The following PCDHA3 variants were observed in gnomAD, a reference collection of about 807,000 sequenced individuals.
The protein encoded by PCDHA3 is protocadherin alpha 3, also known as protocadherin alpha-3.
PCDHA3 carries 41 observed loss-of-function variants against 62.2 expected under a neutral mutation model. The ratio of observed to expected loss-of-function variants is 0.66; its 90% CI spans 0.51 to 0.86. PCDHA3 has a LOEUF of 0.86. PCDHA3 is among the 40% of genes least tolerant of loss of function. The probability of loss-of-function intolerance (pLI) is 0.00; values close to 1 mark genes in which losing one functional copy is unlikely to be tolerated. For missense variants in PCDHA3, 1,304 were observed against 1,241.2 expected (o/e 1.05, Z -0.76); for synonymous variants, 640 against 555.4 (o/e 1.15, Z -2.14).
At chr5:141,006,108 T>C (rs1268824828) in intron 3 of PCDHA3, among the ~76,000 whole-genome samples, 5 of 151,864 alleles carry the variant, frequency 3.3e-5, no homozygotes. Context: ...GTAAGGAGTT[T>C]TTTTTTTTTT....
intron 1 of PCDHA3, among the ~76,000 whole-genome samples, chr5:140,847,134 A>G (rs1210661520): frequency 6.7e-6 from 1 of 149,754 alleles, no homozygotes; most frequent in African/African-American, 2.4e-5. Flanking sequence ...AGGAAAACCA[A>G]TGTAAGAAGA....
chr5:140,874,018 G>A (rs1033387450), intron 1 of PCDHA3, among the ~76,000 whole-genome samples: 2 of 152,114 alleles, frequency 1.3e-5, no homozygotes, highest in Admixed American at 1.3e-4. Context: ...TTTTGAAAAT[G>A]AAAAATAGGA....
chr5:140,953,467 C>T (rs952334269), intron 1 of PCDHA3, among the ~76,000 whole-genome samples: 1 of 152,090 alleles, frequency 6.6e-6, no homozygotes, highest in African/African-American at 2.4e-5. Context: ...AGAGTTTTAA[C>T]TTCCTCATGC....
intron 1 of PCDHA3, chr5:140,861,365 G>T (rs2046879866): frequency 2.8e-6 from 1 of 359,244 alleles, no homozygotes; most frequent in Non-Finnish European, 5.7e-6. Context: ...GCGTCTTCGC[G>T]GTCCCTATTG....
intron 1 of PCDHA3, chr5:140,849,720 C>T (rs1184011333): frequency 1.3e-6 from 2 of 1,598,576 alleles, no homozygotes; most frequent in Admixed American, 1.7e-5. Context: ...CTCGTTGGTG[C>T]TGGACAGAGC....
intron 1 of PCDHA3, among the ~76,000 whole-genome samples, chr5:140,894,198 T>A (rs1431922646): frequency 3.9e-5 from 6 of 152,168 alleles, no homozygotes; most frequent in African/African-American, 1.4e-4. Flanking sequence ...ATTTTTTCTA[T>A]GCTATTATAT....
At chr5:140,927,212 T>C (rs150770754) in intron 1 of PCDHA3, 20 of 1,614,012 alleles carry the variant, frequency 1.2e-5, no homozygotes, top group African/African-American at 1.1e-4. Flanking sequence ...CCGCTGGAGC[T>C]GCACAAGATT....
chr5:140,881,679 A>G (rs2058790767), intron 1 of PCDHA3, among the ~76,000 whole-genome samples: 1 of 152,220 alleles, frequency 6.6e-6, no homozygotes, highest in Non-Finnish European at 1.5e-5. Flanking sequence ...TGTGATTGTT[A>G]TGTTTCCTTT....
chr5:140,854,329 T>C lies in PCDHA3; in HGVS notation c.2394+50738T>C, dbSNP rs1380061038. The C allele has an allele frequency of 1.9e-5, 4 of 216,048 alleles. 1 individual carries two copies. The highest frequency in any genetic ancestry group is 3.1e-5 in the Non-Finnish European group (4 of 127,638). 13.4% of individuals were successfully genotyped at this position (216,048 alleles called of 1,614,324 possible). ...AGATGATTGATCAATGGCAAACTTA[T>C]TTTACGCTCCAGATAGCTAAAACAA... On this transcript the variant is annotated intron_variant, in intron 1 of 3. Coordinates refer to ENST00000522353, the MANE Select transcript of PCDHA3 (RefSeq NM_018906.3).
chr5:140,915,882 C>T lies in PCDHA3; in HGVS notation c.2395-63067C>T, dbSNP rs181276676. Among the ~76,000 whole-genome samples, 3 of 152,314 alleles carry T rather than the reference C, an allele frequency of 2.0e-5. No homozygotes were observed. In the East Asian group the frequency reaches 5.8e-4, roughly 29 times the overall value. ...GTTTGCATCCTTCCCTTTAGGGTAG[C>T]AAGTTCCCCCTGGCCCTGGGCAGGC... On this transcript the variant is annotated intron_variant, in intron 1 of 3. Coordinates refer to ENST00000522353, the MANE Select transcript of PCDHA3 (RefSeq NM_018906.3).
Position 140,821,990 on chromosome 5 carries a change from A to G in PCDHA3, c.2394+18399A>G, listed in dbSNP as rs1006572765. 3.2e-5 allele frequency: 52 copies of G among 1,613,966 alleles called. No homozygotes were observed. Among genetic ancestry groups the G allele is most frequent in the Admixed American group, 3.2e-4 (19 of 59,998 alleles). Reference sequence around the variant, plus strand: ...CGGGTGGCGTCCAAGGGCCGCGGGGACCTTCTGGAGGTAAATCTGCAGAAT... The same window carrying G: ...CGGGTGGCGTCCAAGGGCCGCGGGGGCCTTCTGGAGGTAAATCTGCAGAAT... On this transcript the variant is annotated intron_variant, in intron 1 of 3. Coordinates refer to ENST00000522353, the MANE Select transcript of PCDHA3 (RefSeq NM_018906.3).
intron 1 of PCDHA3, chr5:140,884,079 A>T (rs2059982825): frequency 3.1e-6 from 5 of 1,613,504 alleles, no homozygotes; most frequent in Non-Finnish European, 4.2e-6. Context: ...TCGGGCTACA[A>T]TGCGTGGCTT....
intron 1 of PCDHA3, chr5:140,877,777 C>T: frequency 6.2e-7 from 1 of 1,614,172 alleles, no homozygotes; most frequent in South Asian, 1.1e-5. Context: ...CAAGACGGAC[C>T]TCATGGCCTT....
At chr5:140,805,258 G>T in intron 1 of PCDHA3, 1 of 1,286,408 alleles carries the variant, frequency 7.8e-7, no homozygotes, top group South Asian at 2.6e-5. Context: ...TAAAATACCT[G>T]GTAAATGAAA....
intron 1 of PCDHA3, chr5:140,968,302 G>C (rs2096236958): frequency 6.2e-7 from 1 of 1,613,812 alleles, no homozygotes; most frequent in African/African-American, 1.3e-5. Context: ...TGGAGAGGGA[G>C]ATTCAAGGGC....
Position 140,803,008 on chromosome 5 carries a change from A to T in PCDHA3, c.1811A>T (p.Asn604Ile), listed in dbSNP as rs372042203. ...VRAVDADSGY[N>I]AWLSYELQPG... ...GCAGTGGATGCAGACTCAGGCTACA[A>T]CGCGTGGCTTTCGTATGAGCTGCAG... is the stretch of plus-strand genomic sequence containing the variant. The change falls in exon 1 of 4, where the codon AAC (asparagine) becomes ATC (isoleucine). Residue 604 changes from asparagine to isoleucine, a missense_variant. Asn to Ile is a moderately radical substitution (Grantham distance 149). Coordinates refer to ENST00000522353, the MANE Select transcript of PCDHA3 (RefSeq NM_018906.3). 7.4e-6 allele frequency: 12 copies of T among 1,613,880 alleles called. No individual in the cohort carries two copies. The Middle Eastern group carries it at 8.2e-4, about 111-fold the overall frequency.
intron 1 of PCDHA3, chr5:140,831,085 G>C (rs1771371659): frequency 6.6e-6 from 1 of 152,106 alleles, no homozygotes; most frequent in African/African-American, 2.4e-5. Flanking sequence ...AGGAATAAAG[G>C]ACAAAAACAA....
intron 1 of PCDHA3, chr5:140,816,776 T>C (rs1333175713): frequency 6.6e-6 from 1 of 152,120 alleles, no homozygotes; most frequent in East Asian, 1.9e-4. Flanking sequence ...TAATTCCTAA[T>C]TAGAGGGATC....
At chr5:140,870,830 T>C in intron 1 of PCDHA3, 1 of 1,613,762 alleles carries the variant, frequency 6.2e-7, no homozygotes. Context: ...GGAGGCGCAG[T>C]TAACAAGCTA....
Sources: gnomAD v4.1 joint callset for allele counts (sites outside exome capture counted in the v4.1 genomes callset) on GRCh38, gnomAD v4.1.1 for gene constraint, MANE v1.5 for transcripts, NCBI Gene and HGNC (gene_info 2026-07-23, HGNC 2026-07-21) for gene names.